SH3BP2: variants seen among roughly 807,000 people sequenced by gnomAD.
The protein encoded by SH3BP2 is SH3 domain binding protein 2, also known as SH3 domain-binding protein 2.
Under a neutral mutation model 56.2 loss-of-function variants are expected in SH3BP2, and 38 were observed. The observed-to-expected ratio is 0.68, with a 90% CI of 0.52 to 0.89. The LOEUF is 0.89. Among genes scored for constraint, SH3BP2 ranks in the 40% least tolerant of loss-of-function variants. The pLI, the probability that SH3BP2 is intolerant of heterozygous loss-of-function variation, is 0.00. For missense variants in SH3BP2, 748 were observed against 762.6 expected, an observed-to-expected ratio of 0.98 and a Z score of 0.23; for synonymous variants, 346 against 316.7, an observed-to-expected ratio of 1.09 and a Z score of -0.98.
rs113416255 is a variant in SH3BP2 at position 2,825,205 on chromosome 4, G to A, written c.428+9G>A. ...CTGCCCTTGGACACCAGGTGAGCCC[G>A]GGCCCAGGGCATACCGGGCAGTGAG... On this transcript the variant is annotated intron_variant, in intron 5 of 12. Transcript: ENST00000503393. The A allele has an allele frequency of 3.2e-5, 50 of 1,570,878 alleles. No individual in the cohort carries two copies. The highest frequency in any genetic ancestry group is 1.1e-4 in the African/African-American group (8 of 73,710).
chr4:2,831,910 C>T lies in SH3BP2; in HGVS notation c.1351-13C>T, dbSNP rs367963191. 2.7e-5 allele frequency: 43 copies of T among 1,612,362 alleles called. No individual in the cohort carries two copies. In the Middle Eastern group the frequency reaches 4.9e-4, roughly 19 times the overall value. On this transcript the variant is annotated splice_polypyrimidine_tract_variant and intron_variant, in intron 9 of 12. Transcript: ENST00000503393. This position sits in a 1 kb window ranked among gnomAD's most constrained non-coding sequence, Gnocchi z 4.1. Reference sequence around the variant, plus strand: ...ACTCCGACGTTGGCACTGACACCGTCAGCCTCTTGCAGGTGCCACTGCCCA... The same window carrying T: ...ACTCCGACGTTGGCACTGACACCGTTAGCCTCTTGCAGGTGCCACTGCCCA...
At chr4:2,828,679 G>C (rs1724806690) in intron 7 of SH3BP2, among the ~76,000 whole-genome samples, 1 of 152,214 alleles carries the variant, frequency 6.6e-6, no homozygotes, top group Admixed American at 6.5e-5. Flanking sequence ...TGGGCCTGGG[G>C]AGCCACCAGT....
intron 1 of SH3BP2, among the ~76,000 whole-genome samples, chr4:2,802,393 CAA>C (rs1248777396): frequency 6.9e-5 from 9 of 131,302 alleles, no homozygotes; most frequent in Admixed American, 3.4e-4. Flanking sequence ...GACTCTGTCT[CAA>C]AAAAATATAT....
Position 2,812,368 on chromosome 4 carries a change from G to T in SH3BP2, c.-4-8246G>T. 1.1e-5 allele frequency: 17 copies of T among 1,550,324 alleles called. 1 individual carries two copies. Among genetic ancestry groups the T allele is most frequent in the Non-Finnish European group, 1.4e-5 (16 of 1,146,832 alleles). The stretch of plus-strand genomic sequence containing the variant: ...AGGCCTCACATGTCTGGGAGATGTA[G>T]GCTGCCTGGGCTGGTGGCCCCTGAG... On this transcript the variant is annotated intron_variant, in intron 1 of 12. Transcript: ENST00000503393.
intron 1 of SH3BP2, among the ~76,000 whole-genome samples, chr4:2,815,798 C>T (rs116738286): frequency 7.2e-5 from 11 of 152,286 alleles, no homozygotes; most frequent in African/African-American, 2.6e-4. Context: ...ACCTGGGTGT[C>T]CCCCCTGGGC....
chr4:2,809,583 G>A (rs1358594364), intron 1 of SH3BP2, among the ~76,000 whole-genome samples: 2 of 152,234 alleles, frequency 1.3e-5, no homozygotes, highest in Non-Finnish European at 2.9e-5. Context: ...CCCCAGAGAT[G>A]CAGATGGCAA....
intron 1 of SH3BP2, among the ~76,000 whole-genome samples, chr4:2,800,363 G>A (rs1014981242): frequency 1.1e-4 from 17 of 152,118 alleles, no homozygotes; most frequent in African/African-American, 2.4e-5. Flanking sequence ...AGTGTCCACC[G>A]GGCTGTGCCA....
chr4:2,812,150 A>T, intron 1 of SH3BP2: 1 of 1,414,868 alleles, frequency 7.1e-7, no homozygotes, highest in South Asian at 1.5e-5. Flanking sequence ...CGGATGGTGG[A>T]TGAGGGGCAG....
Position 2,831,659 on chromosome 4 carries a change from T to A in SH3BP2, c.1330T>A (p.Ser444Thr), listed in dbSNP as rs1724992271. The change falls in exon 9 of 13, where the codon TCG becomes ACG. Residue 444 changes from serine to threonine, a missense_variant. By Grantham distance (58) the Ser-to-Thr change is moderately conservative (BLOSUM62 1). Coordinates refer to ENST00000503393, the MANE Select transcript of SH3BP2 (RefSeq NM_001122681.2). The surrounding 1 kb of genome is among the most constrained non-coding windows in gnomAD (Gnocchi z 4.1). The part of the protein sequence containing the change: ...PSQADTGGDD[S>T]DEDYEKVPLP... ...ACAGGCTGACACTGGCGGGGACGAC[T>A]CGGACGAGGACTATGAGAAGGCAAG... 6 of 1,590,068 alleles carry A rather than the reference T, an allele frequency of 3.8e-6. No homozygotes were observed. Among genetic ancestry groups the A allele is most frequent in the Non-Finnish European group, 8.6e-7 (1 of 1,167,568 alleles).
At chr4:2,818,459 CCCCGAGCCCCTGGACCAGGGCCGCGAG>C in intron 1 of SH3BP2, 2 of 893,800 alleles carry the variant, frequency 2.2e-6, no homozygotes, top group Non-Finnish European at 2.8e-6. Context: ...GGACCCCGCA[CCCCGAGCCCCTGGACCAGGGCCGCGAG>C]CCCCGGGCGC....
chr4:2,818,207 G>T (rs1577352199), intron 1 of SH3BP2: 1 of 987,794 alleles, frequency 1.0e-6, no homozygotes, highest in East Asian at 1.1e-4. Flanking sequence ...GCGGCTGCCA[G>T]GCCAGGGCCG....
Position 2,827,568 on chromosome 4 carries a change from G to A in SH3BP2, c.518-38G>A, listed in dbSNP as rs771750001. On this transcript the variant is annotated intron_variant, in intron 6 of 12. Coordinates refer to ENST00000503393, the MANE Select transcript of SH3BP2 (RefSeq NM_001122681.2). ...AGCATTGCTCGGAGACTGGGCCTGG[G>A]CCGGTTTGGCTCTCACCACCCCCCT... 2.8e-5 allele frequency: 44 copies of A among 1,560,362 alleles called. 1 individual carries two copies. The Admixed American group carries it at 7.2e-4, about 26-fold the overall frequency.
rs749099956 is a variant in SH3BP2, at chr4:2,833,025, G to A, written c.1524G>A (p.Val508=). The A allele has an allele frequency of 1.8e-5, 29 of 1,614,108 alleles. No individual in the cohort carries two copies. The highest frequency in any genetic ancestry group is 2.4e-5 in the Non-Finnish European group (28 of 1,180,040). ...LVVWDETSNK[V]RNYRIFEKDS... is the part of the protein sequence containing the mutation. ...TGTGGGACGAAACCTCTAACAAAGT[G>A]AGGAACTATCGCATTTTTGAGAAGG... The change falls in exon 12 of 13, where the codon GTG becomes GTA. Residue 508 remains valine (V), a synonymous_variant. Coordinates refer to ENST00000503393, the MANE Select transcript of SH3BP2 (RefSeq NM_001122681.2).
rs568332811 is a variant in SH3BP2, at chr4:2,840,234, C to CAAAAAAA, written c.*6414_*6420dup. On this transcript the variant is annotated 3_prime_UTR_variant, in exon 13 of 13. Transcript: ENST00000503393. The stretch of plus-strand genomic sequence containing the variant: ...AGTGAGACCCTATCTCAAAAAAAAC[C>CAAAAAAA]AAAAAAAAAAAAAAAAAAAAGAAAA... The CAAAAAAA allele has an allele frequency of 7.2e-5, 6 of 82,826 alleles. No homozygotes were observed. Among genetic ancestry groups the CAAAAAAA allele is most frequent in the Non-Finnish European group, 9.0e-5 (4 of 44,566 alleles). 5.1% of individuals were successfully genotyped at this position (82,826 alleles called of 1,614,324 possible). A position where few individuals can be genotyped will look rare whatever the true frequency, so the allele number is the denominator to read the frequency against.
At chr4:2,820,854 G>T (rs1724264846) in intron 2 of SH3BP2, 101 bp downstream of exon 2, 1 of 1,333,372 alleles carries the variant, frequency 7.5e-7, no homozygotes, top group Admixed American at 2.3e-5. Flanking sequence ...CTCACATGGT[G>T]TGCCCTCTGG....
In SH3BP2 at chr4:2,837,545, T is replaced by C. The variant is rs1055050256; in HGVS notation, c.*3711T>C. 6.6e-6 allele frequency: 1 copy of C among 152,206 alleles called. No homozygotes were observed. The highest frequency in any genetic ancestry group is 2.4e-5 in the African/African-American group (1 of 41,398). 9.4% of individuals were successfully genotyped at this position (152,206 alleles called of 1,614,324 possible). On this transcript the variant is annotated 3_prime_UTR_variant, in exon 13 of 13. Coordinates refer to ENST00000503393, the MANE Select transcript of SH3BP2 (RefSeq NM_001122681.2). ...GGCAGGGCTTATTGGGGCCATTTCA[T>C]AGAAAGGCAGATTGAAGCTCAGCAG... is the stretch of plus-strand genomic sequence containing the variant.
chr4:2,803,820 G>A (rs1039633787), intron 1 of SH3BP2, among the ~76,000 whole-genome samples: 2 of 152,166 alleles, frequency 1.3e-5, no homozygotes, highest in Admixed American at 6.5e-5. Flanking sequence ...GGACGCTGGC[G>A]GATGTGTCAA....
In SH3BP2 at chr4:2,831,779, AG is replaced by A; in HGVS notation, c.1350+102del. 1 of 1,354,490 alleles carries A rather than the reference AG, an allele frequency of 7.4e-7. No individual in the cohort carries two copies. The highest frequency in any genetic ancestry group is 1.0e-6 in the Non-Finnish European group (1 of 966,308). 83.9% of individuals were successfully genotyped at this position (1,354,490 alleles called of 1,614,324 possible). A position where few individuals can be genotyped will look rare whatever the true frequency, so the allele number is the denominator to read the frequency against. ...GGCCCCTCACAGACCGTCCTGAGCA[AG>A]GACCCCCCGAGAACCCGGGAGCCTA... is the stretch of plus-strand genomic sequence containing the variant. On this transcript the variant is annotated intron_variant, in intron 9 of 12. Coordinates refer to ENST00000503393, the MANE Select transcript of SH3BP2 (RefSeq NM_001122681.2). This position sits in a 1 kb window ranked among gnomAD's most constrained non-coding sequence, Gnocchi z 4.1.
chr4:2,796,855 G>A (rs1723082528), intron 1 of SH3BP2, among the ~76,000 whole-genome samples: 2 of 152,232 alleles, frequency 1.3e-5, no homozygotes, highest in Non-Finnish European at 2.9e-5. Context: ...CGGGGCTGAG[G>A]CCGCGAGGCA....
Sources: gnomAD v4.1 joint callset for allele counts (sites outside exome capture counted in the v4.1 genomes callset) on GRCh38, gnomAD v4.1.1 for gene constraint, Gnocchi (gnomAD v3.1) non-coding constraint, MANE v1.5 for transcripts, NCBI Gene and HGNC (gene_info 2026-07-23, HGNC 2026-07-21) for gene names.